Variants in SMURF2 observed in about 807,000 individuals in gnomAD.
SMURF2 encodes the protein SMAD specific E3 ubiquitin protein ligase 2, also known as E3 ubiquitin-protein ligase SMURF2.
SMURF2 carries 48 observed loss-of-function variants against 109.6 expected under a neutral mutation model. The observed-to-expected ratio is 0.44, with a 90% CI of 0.35 to 0.56. The LOEUF (loss-of-function observed/expected upper bound fraction) is 0.56, where lower values mean the gene tolerates loss of function less well. SMURF2 is among the 20% of genes least tolerant of loss of function. The probability of loss-of-function intolerance (pLI) is 0.01; values close to 1 mark genes in which losing one functional copy is unlikely to be tolerated. For synonymous variants in SMURF2, 288 were observed against 317.1 expected, an observed-to-expected ratio of 0.91 and a Z score of 0.97; for missense variants, 575 against 909.0, an observed-to-expected ratio of 0.63 and a Z score of 4.72.
At chr17:64,598,765 GTTGT>G (rs1247867293) in intron 2 of SMURF2, among the ~76,000 whole-genome samples, 1 of 152,110 alleles carries the variant, frequency 6.6e-6, no homozygotes, top group African/African-American at 2.4e-5. Flanking sequence ...TTTTTAATAG[GTTGT>G]TACCAGCCCT....
intron 1 of SMURF2, among the ~76,000 whole-genome samples, chr17:64,607,976 G>A (rs1969992828): frequency 6.7e-6 from 1 of 149,478 alleles, no homozygotes; most frequent in Non-Finnish European, 1.5e-5. Flanking sequence ...TCCAGCCTGG[G>A]CGACAGAGCA....
chr17:64,553,141 G>A lies in SMURF2; in HGVS notation c.1749-1437C>T, dbSNP rs535113775. Among the ~76,000 whole-genome samples the A allele has an allele frequency of 3.8e-4, 57 of 151,914 alleles. 2 individuals carry two copies. The South Asian group carries it at 6.5e-3, about 17-fold the overall frequency. On this transcript the variant is annotated intron_variant, in intron 15 of 18. Transcript: ENST00000262435. The stretch of plus-strand genomic sequence containing the variant: ...CTCTTTCTCCTTCCTATTTCCAGTC[G>A]CATCATCTCCACTCCCTCATCCTAG...
At chr17:64,621,121 A>C (rs1449752319) in intron 1 of SMURF2, among the ~76,000 whole-genome samples, 1 of 152,210 alleles carries the variant, frequency 6.6e-6, no homozygotes, top group African/African-American at 2.4e-5. Context: ...AACAAAGGTA[A>C]ACTTCCACAT....
At chr17:64,641,516 T>C (rs532953929) in intron 1 of SMURF2, among the ~76,000 whole-genome samples, 2 of 152,266 alleles carry the variant, frequency 1.3e-5, no homozygotes, top group African/African-American at 2.4e-5. Context: ...TTGTAACCAA[T>C]AGAATGCAGG....
In SMURF2 at chr17:64,544,888, C is replaced by CACT. The variant is rs2144578572; in HGVS notation, c.*957_*959dup. On this transcript the variant is annotated 3_prime_UTR_variant, in exon 19 of 19. Transcript: ENST00000262435. ...GTTAAAATACAATATAAATTAGGTGCACTTGTCAGAGACTTTGGTTTATAG... is the reference window on the plus strand; with the variant it reads ...GTTAAAATACAATATAAATTAGGTGCACTACTTGTCAGAGACTTTGGTTTATAG... The CACT allele has an allele frequency of 6.6e-6, 1 of 152,616 alleles. No individual in the cohort carries two copies. The highest frequency in any genetic ancestry group is 2.4e-5 in the African/African-American group (1 of 41,522). The allele number at this position is 152,616 out of a possible 1,614,324, so 9.5% of individuals were successfully genotyped here.
At chr17:64,608,074 T>C (rs1338827890) in intron 1 of SMURF2, among the ~76,000 whole-genome samples, 10 of 151,586 alleles carry the variant, frequency 6.6e-5, no homozygotes, top group African/African-American at 1.9e-4. Context: ...AACTTAAAAC[T>C]TCTTTAACTC....
chr17:64,651,330 T>G (rs1017358651), intron 1 of SMURF2, among the ~76,000 whole-genome samples: 1 of 151,908 alleles, frequency 6.6e-6, no homozygotes, highest in Non-Finnish European at 1.5e-5. Flanking sequence ...TCCCACACTT[T>G]GGGAGGCTGA....
intron 5 of SMURF2, among the ~76,000 whole-genome samples, chr17:64,588,235 A>G (rs186848365): frequency 1.1e-3 from 166 of 152,164 alleles, no homozygotes; most frequent in African/African-American, 3.8e-3. Flanking sequence ...ACGCTCAAAC[A>G]ATCCTCCCAC....
chr17:64,568,153 C>T (rs1462012799), intron 10 of SMURF2, among the ~76,000 whole-genome samples: 1 of 151,882 alleles, frequency 6.6e-6, no homozygotes, highest in Admixed American at 6.6e-5. Flanking sequence ...CGCGCCTGGC[C>T]TAATTTTTGT....
At chr17:64,562,340 C>T (rs114804573) in intron 11 of SMURF2, among the ~76,000 whole-genome samples, 7,201 of 144,120 alleles carry the variant, frequency 0.05, 245 homozygotes, top group Admixed American at 0.12. Context: ...TTAGCACTCT[C>T]GGTATTCTTG....
At chr17:64,641,945 T>C (rs919987112) in intron 1 of SMURF2, among the ~76,000 whole-genome samples, 1 of 152,136 alleles carries the variant, frequency 6.6e-6, no homozygotes, top group Non-Finnish European at 1.5e-5. Flanking sequence ...TAGCTGGAAT[T>C]ACAGGTGCAT....
At chr17:64,559,675 G>T (rs1227238528) in intron 12 of SMURF2, among the ~76,000 whole-genome samples, 3 of 151,716 alleles carry the variant, frequency 2.0e-5, no homozygotes, top group Non-Finnish European at 4.4e-5. Context: ...GGAGGCGGAG[G>T]CTGGAGGATC....
At chr17:64,645,952 A>T (rs550979011) in intron 1 of SMURF2, among the ~76,000 whole-genome samples, 1 of 152,348 alleles carries the variant, frequency 6.6e-6, no homozygotes. Flanking sequence ...GTAATGAAAG[A>T]AGTTTTGTTA....
At chr17:64,635,434 A>G (rs1291958277) in intron 1 of SMURF2, among the ~76,000 whole-genome samples, 1 of 152,172 alleles carries the variant, frequency 6.6e-6, no homozygotes, top group Non-Finnish European at 1.5e-5. Flanking sequence ...ACCATCACCA[A>G]TATCTAATTC....
chr17:64,562,984 T>C lies in SMURF2; in HGVS notation c.1017-18A>G, dbSNP rs574765146. On this transcript the variant is annotated intron_variant, in intron 10 of 18. Transcript: ENST00000262435. ...TCTGCCGACTAGAAGTAAACATAGA[T>C]GTTATTATTAAAGTATATCAAATTT... 2.0e-5 allele frequency: 31 copies of C among 1,582,772 alleles called. No homozygotes were observed. The highest frequency in any genetic ancestry group is 2.6e-5 in the Non-Finnish European group (30 of 1,163,640).
intron 13 of SMURF2, among the ~76,000 whole-genome samples, chr17:64,556,480 GGACAAAT>G (rs1555684060): frequency 5.3e-5 from 8 of 152,142 alleles, no homozygotes; most frequent in African/African-American, 1.9e-4. Context: ...AATGGCATAT[GGACAAAT>G]TAACCCCCGT....
At chr17:64,562,058 G>T (rs1217070657) in intron 11 of SMURF2, among the ~76,000 whole-genome samples, 1 of 151,928 alleles carries the variant, frequency 6.6e-6, no homozygotes, top group Non-Finnish European at 1.5e-5. Context: ...ACTTTGGGAG[G>T]CTGAGGCGGG....
Position 64,624,643 on chromosome 17 carries a change from G to C in SMURF2, c.53-18003C>G, listed in dbSNP as rs1250691166. On this transcript the variant is annotated intron_variant, in intron 1 of 18. Transcript: ENST00000262435. ...TCAAGACCAGCCTGGGCAACATGGT[G>C]AGACCTCATCTCTACAAAAAACTTT... Among the ~76,000 whole-genome samples, 3 of 151,932 alleles carry C rather than the reference G, an allele frequency of 2.0e-5. No individual in the cohort carries two copies. The East Asian group carries it at 5.8e-4, about 29-fold the overall frequency.
intron 1 of SMURF2, among the ~76,000 whole-genome samples, chr17:64,610,091 A>T (rs1555689381): frequency 6.6e-6 from 1 of 152,232 alleles, no homozygotes; most frequent in Non-Finnish European, 1.5e-5. Context: ...GGCAATCATT[A>T]AAAAGTCAGA....
Sources: gnomAD v4.1 joint callset for allele counts (sites outside exome capture counted in the v4.1 genomes callset) on GRCh38, gnomAD v4.1.1 for gene constraint, MANE v1.5 for transcripts, NCBI Gene and HGNC (gene_info 2026-07-23, HGNC 2026-07-21) for gene names.